UMPS: variants seen among roughly 807,000 people sequenced by gnomAD.
The protein encoded by UMPS is uridine 5'-monophosphate synthase.
In UMPS, 21 loss-of-function variants were observed where a neutral mutation model predicts 38.9. That is an observed-to-expected ratio of 0.54 (90% CI 0.38 to 0.78). The LOEUF is 0.78. Among genes scored for constraint, UMPS ranks in the 30% least tolerant of loss-of-function variants. The probability of loss-of-function intolerance (pLI) is 0.00; values close to 1 mark genes in which losing one functional copy is unlikely to be tolerated. For missense variants in UMPS, 533 were observed against 591.6 expected (o/e 0.90, Z 1.03); for synonymous variants, 208 against 219.3 (o/e 0.95, Z 0.45).
At chr3:124,731,389 T>A (rs747632595) in intron 1 of UMPS, 10 of 262,116 alleles carry the variant, frequency 3.8e-5, no homozygotes, top group Middle Eastern at 8.6e-4. Context: ...TTAAAGGAAT[T>A]TTGTCCCTGA....
Position 124,735,228 on chromosome 3 carries a change from A to G in UMPS, c.292A>G (p.Lys98Glu), listed in dbSNP as rs1196123127. The change falls in exon 2 of 6, where the codon AAA becomes GAA. Residue 98 changes from lysine (K) to glutamate (E), a missense_variant. Coordinates refer to ENST00000232607, the MANE Select transcript of UMPS (RefSeq NM_000373.4). ...TCAAATTCCAATGCTTATTAGAAGG[A>G]AAGAAACAAAGGATTATGGTAAAAT... ...TNQIPMLIRR[K>E]ETKDYGTKRL... 7.4e-6 allele frequency: 12 copies of G among 1,613,226 alleles called. No homozygotes were observed. Among genetic ancestry groups the G allele is most frequent in the Non-Finnish European group, 8.5e-6 (10 of 1,179,360 alleles).
chr3:124,743,855 A>G (rs2063575834), intron 5 of UMPS, 60 bp from the exon 6 acceptor site: 2 of 1,602,402 alleles, frequency 1.2e-6, no homozygotes, highest in Non-Finnish European at 1.7e-6. Flanking sequence ...CAGAGAAGTC[A>G]TGTGACAGGT....
chr3:124,739,681 C>T (rs2063542652), intron 3 of UMPS, among the ~76,000 whole-genome samples: 1 of 152,172 alleles, frequency 6.6e-6, no homozygotes, highest in African/African-American at 2.4e-5. Context: ...AAATGTTTAT[C>T]TTCACTGGAG....
Position 124,748,081 on chromosome 3 carries a change from CAGTT to C in UMPS, c.*3999_*4002del, listed in dbSNP as rs573773716. On this transcript the variant is annotated 3_prime_UTR_variant, in exon 6 of 6. Transcript: ENST00000232607. ...TATATTTTTAAAATATATATTTTAA[CAGTT>C]ATATATATTAGATATAATATATAAT... The C allele has an allele frequency of 4.4e-5, 17 of 383,694 alleles. No homozygotes were observed. Among genetic ancestry groups the C allele is most frequent in the South Asian group, 3.2e-4 (15 of 47,206 alleles). 23.8% of individuals were successfully genotyped at this position (383,694 alleles called of 1,614,324 possible). A position where few individuals can be genotyped will look rare whatever the true frequency, so the allele number is the denominator to read the frequency against.
rs934439233 is a variant in UMPS at position 124,747,504 on chromosome 3, A to C, written c.*3420A>C. 2 of 454,034 alleles carry C rather than the reference A, an allele frequency of 4.4e-6. No individual in the cohort carries two copies. The highest frequency in any genetic ancestry group is 4.7e-5 in the Admixed American group (2 of 42,556). 28.1% of individuals were successfully genotyped at this position (454,034 alleles called of 1,614,324 possible). On this transcript the variant is annotated 3_prime_UTR_variant, in exon 6 of 6. Coordinates refer to ENST00000232607, the MANE Select transcript of UMPS (RefSeq NM_000373.4). ...CTCTGGCTTCTGCCACCACATGGGA[A>C]GAATATGCCCTGGTTAGCCCATGGC...
rs112968795 is a variant in UMPS at position 124,734,746 on chromosome 3, C to T, written c.157-347C>T. On this transcript the variant is annotated intron_variant, in intron 1 of 5. Coordinates refer to ENST00000232607, the MANE Select transcript of UMPS (RefSeq NM_000373.4). The stretch of plus-strand genomic sequence containing the variant: ...TTTAAAATAGTTACAATAGGCTGGG[C>T]GCAGTGGCTCACGCCTGTAATCCCA... 3.2e-4 allele frequency among the ~76,000 whole-genome samples: 48 copies of T among 152,242 alleles called. 1 individual carries two copies. The highest frequency in any genetic ancestry group is 2.9e-3 in the Admixed American group (44 of 15,288).
chr3:124,739,610 A>G (rs1266093627), intron 3 of UMPS, among the ~76,000 whole-genome samples: 1 of 152,232 alleles, frequency 6.6e-6, no homozygotes, highest in Non-Finnish European at 1.5e-5. Flanking sequence ...CTGGGATTAC[A>G]AGCATGAGCC....
intron 5 of UMPS, chr3:124,742,510 T>C: frequency 1.9e-6 from 1 of 534,400 alleles, no homozygotes; most frequent in Admixed American, 3.2e-5. Flanking sequence ...GATGCTTTAA[T>C]GAGATAACAT....
At chr3:124,736,481 T>G (rs2063519402) in intron 2 of UMPS, among the ~76,000 whole-genome samples, 1 of 152,102 alleles carries the variant, frequency 6.6e-6, no homozygotes, top group Non-Finnish European at 1.5e-5. Context: ...TGTTTTTTGT[T>G]TTTTTGAGAC....
In UMPS at chr3:124,748,016, C is replaced by T. The variant is rs1006939994; in HGVS notation, c.*3932C>T. 8 of 450,822 alleles carry T rather than the reference C, an allele frequency of 1.8e-5. No homozygotes were observed. Among genetic ancestry groups the T allele is most frequent in the African/African-American group, 6.0e-5 (3 of 49,880 alleles). 27.9% of individuals were successfully genotyped at this position (450,822 alleles called of 1,614,324 possible). A position where few individuals can be genotyped will look rare whatever the true frequency, so the allele number is the denominator to read the frequency against. Reference sequence around the variant, plus strand: ...CATTCCTTTTTGAAGGAATCTGATACTAAACACAAAGCATGAGAAAAATCA... The same window carrying T: ...CATTCCTTTTTGAAGGAATCTGATATTAAACACAAAGCATGAGAAAAATCA... On this transcript the variant is annotated 3_prime_UTR_variant, in exon 6 of 6. Transcript: ENST00000232607.
intron 3 of UMPS, chr3:124,738,531 C>G: frequency 2.6e-6 from 1 of 384,068 alleles, no homozygotes; most frequent in Non-Finnish European, 4.9e-6. Context: ...GCAATTTGCT[C>G]TGCAACTGTG....
intron 2 of UMPS, among the ~76,000 whole-genome samples, chr3:124,735,792 C>T (rs1327214277): frequency 1.3e-5 from 2 of 152,008 alleles, no homozygotes; most frequent in East Asian, 1.9e-4. Context: ...GCCTGACCAA[C>T]GTGGTAAAAC....
intron 1 of UMPS, among the ~76,000 whole-genome samples, chr3:124,734,422 T>C (rs2063502983): frequency 6.6e-6 from 1 of 152,118 alleles, no homozygotes; most frequent in Admixed American, 6.5e-5. Flanking sequence ...AACTAAAAGA[T>C]GATAGGTTTA....
Position 124,744,216 on chromosome 3 carries a change from T to A in UMPS, c.*132T>A. On this transcript the variant is annotated 3_prime_UTR_variant, in exon 6 of 6. Transcript: ENST00000232607. Reference sequence around the variant, plus strand: ...CCACAGGGCCTGTGTAAGAATGGGTTCTGGAGTTCTCATGGTCTTTAGGAA... The same window carrying A: ...CCACAGGGCCTGTGTAAGAATGGGTACTGGAGTTCTCATGGTCTTTAGGAA... 9.7e-7 allele frequency: 1 copy of A among 1,031,336 alleles called. No homozygotes were observed. Among genetic ancestry groups the A allele is most frequent in the Non-Finnish European group, 1.5e-6 (1 of 681,726 alleles). The allele number at this position is 1,031,336 out of a possible 1,614,324, so 63.9% of individuals were successfully genotyped here. A position where few individuals can be genotyped will look rare whatever the true frequency, so the allele number is the denominator to read the frequency against.
intron 4 of UMPS, among the ~76,000 whole-genome samples, chr3:124,740,904 A>T (rs1456841991): frequency 6.6e-6 from 1 of 152,150 alleles, no homozygotes; most frequent in African/African-American, 2.4e-5. Flanking sequence ...AGCCATGATC[A>T]TGCCACTTTA....
chr3:124,743,992 C>T lies in UMPS; in HGVS notation c.1351C>T (p.Arg451Cys), dbSNP rs773243224. 3 of 1,614,130 alleles carry T rather than the reference C, an allele frequency of 1.9e-6. No individual in the cohort carries two copies. The highest frequency in any genetic ancestry group is 2.2e-5 in the East Asian group (1 of 44,872). ...AGGTTCCGATATCATCATTGTAGGT[C>T]GTGGCATAATCTCAGCAGCTGATCG... ...KRGSDIIIVG[R>C]GIISAADRLE... Residue 451 changes from arginine to cysteine, a missense_variant, in exon 6 of 6, where the codon CGT becomes TGT. Arg to Cys is a radical substitution (Grantham distance 180). Transcript: ENST00000232607.
chr3:124,739,356 G>A (rs2063540393), intron 3 of UMPS, among the ~76,000 whole-genome samples: 1 of 152,034 alleles, frequency 6.6e-6, no homozygotes, highest in South Asian at 2.1e-4. Context: ...TTTTGAGATG[G>A]GGTCTTGCTC....
chr3:124,744,805 T>A lies in UMPS; in HGVS notation c.*721T>A. ...TTCTCTGTCTAATGTGTTGCCCAAA[T>A]AATACCTAATTGTTAGCCATTCCCC... On this transcript the variant is annotated 3_prime_UTR_variant, in exon 6 of 6. Transcript: ENST00000232607. The A allele has an allele frequency of 2.2e-6, 1 of 454,100 alleles. No homozygotes were observed. The highest frequency in any genetic ancestry group is 4.4e-6 in the Non-Finnish European group (1 of 226,796). 28.1% of individuals were successfully genotyped at this position (454,100 alleles called of 1,614,324 possible).
intron 1 of UMPS, among the ~76,000 whole-genome samples, chr3:124,734,698 C>G (rs1186658362): frequency 6.6e-6 from 1 of 152,056 alleles, no homozygotes; most frequent in Non-Finnish European, 1.5e-5. Flanking sequence ...TTTTCTGTTA[C>G]GTTGTTACAT....
Sources: allele counts gnomAD v4.1 joint callset (sites outside exome capture counted in the v4.1 genomes callset), GRCh38; gene constraint gnomAD v4.1.1; transcripts MANE v1.5; gene names NCBI Gene and HGNC (gene_info 2026-07-23, HGNC 2026-07-21).